TBL1XR1: variants seen among roughly 807,000 people sequenced by gnomAD.
The protein encoded by TBL1XR1 is TBL1X/Y related 1, also known as F-box-like/WD repeat-containing protein TBL1XR1.
In TBL1XR1, 5 loss-of-function variants were observed where a neutral mutation model predicts 66.9. The observed-to-expected ratio is 0.07, with a 90% CI of 0.04 to 0.16. The LOEUF (loss-of-function observed/expected upper bound fraction) is 0.16. TBL1XR1 is among the 10% of genes least tolerant of loss of function. TBL1XR1 has a pLI of 1.00. For synonymous variants in TBL1XR1, 210 were observed against 206.0 expected, an observed-to-expected ratio of 1.02 and a Z score of -0.17; for missense variants, 238 against 623.2, an observed-to-expected ratio of 0.38 and a Z score of 6.58.
At position 177,059,576 on chromosome 3, in the gene TBL1XR1, G is replaced by A. The variant is rs139308093; in HGVS notation, c.58+5344C>T. Among the ~76,000 whole-genome samples the A allele has an allele frequency of 5.7e-4, 86 of 152,178 alleles. 1 individual carries two copies. Among genetic ancestry groups the A allele is most frequent in the African/African-American group, 1.9e-3 (80 of 41,518 alleles). On this transcript the variant is annotated intron_variant, in intron 3 of 15. Coordinates refer to ENST00000457928, the MANE Select transcript of TBL1XR1 (RefSeq NM_024665.7). ...ACAAGGCCTGTATTTCTAAGGAGAT[G>A]GAAAATCCCATTGAAAAAGTTAGGG...
intron 1 of TBL1XR1, among the ~76,000 whole-genome samples, chr3:177,141,862 A>T (rs761897724): frequency 6.6e-6 from 1 of 152,226 alleles, no homozygotes; most frequent in Non-Finnish European, 1.5e-5. Flanking sequence ...GTGAAACATT[A>T]ACCTTAAAAA....
At chr3:177,107,841 C>T (rs1002232363) in intron 1 of TBL1XR1, among the ~76,000 whole-genome samples, 22 of 152,186 alleles carry the variant, frequency 1.4e-4, no homozygotes, top group Admixed American at 3.9e-4. Context: ...CTCCATCTTA[C>T]TTCTCAGTCA....
rs559652417 is a variant in TBL1XR1 at position 177,042,913 on chromosome 3, T to TA, written c.925+3215dup. 3.8e-3 allele frequency among the ~76,000 whole-genome samples: 567 copies of TA among 150,202 alleles called. 2 individuals carry two copies. The highest frequency in any genetic ancestry group is 0.011 in the African/African-American group (465 of 41,034). ...ATGCATTTATTACTGACTTTATTTT[T>TA]AAAAAAAAAAGCCTTTATTGACATA... On this transcript the variant is annotated intron_variant, in intron 10 of 15. Coordinates refer to ENST00000457928, the MANE Select transcript of TBL1XR1 (RefSeq NM_024665.7).
At chr3:177,031,458 C>T (rs1009228701) in intron 14 of TBL1XR1, among the ~76,000 whole-genome samples, 2 of 151,158 alleles carry the variant, frequency 1.3e-5, no homozygotes, top group African/African-American at 2.4e-5. Context: ...CTCAGCCTCC[C>T]GAGTAGCTGA....
At chr3:177,151,902 T>C (rs1730935479) in intron 1 of TBL1XR1, among the ~76,000 whole-genome samples, 1 of 152,098 alleles carries the variant, frequency 6.6e-6, no homozygotes. Context: ...CAGGCACCCG[T>C]AATCCCAGCT....
intron 10 of TBL1XR1, among the ~76,000 whole-genome samples, chr3:177,043,396 G>A (rs1186725829): frequency 2.0e-5 from 3 of 151,968 alleles, no homozygotes; most frequent in Non-Finnish European, 2.9e-5. Context: ...TGTTTATCTT[G>A]TATTAATAAC....
At chr3:177,041,749 T>C (rs1715618744) in intron 10 of TBL1XR1, among the ~76,000 whole-genome samples, 3 of 152,320 alleles carry the variant, frequency 2.0e-5, no homozygotes, top group South Asian at 4.1e-4. Flanking sequence ...TTGTAAGTTA[T>C]GTCCCGGGTT....
intron 1 of TBL1XR1, among the ~76,000 whole-genome samples, chr3:177,106,374 T>G (rs924604899): frequency 1.3e-5 from 2 of 152,248 alleles, no homozygotes; most frequent in African/African-American, 4.8e-5. Flanking sequence ...AGCTGAAGTT[T>G]GTTCTACGTG....
chr3:177,026,022 C>G (rs1312915182), intron 15 of TBL1XR1: 4 of 295,370 alleles, frequency 1.4e-5, no homozygotes, highest in Non-Finnish European at 1.9e-5. Context: ...TTCTGCCTTC[C>G]CTGGGCCAAA....
At chr3:177,028,622 A>G (rs1029399348) in intron 14 of TBL1XR1, among the ~76,000 whole-genome samples, 2 of 152,220 alleles carry the variant, frequency 1.3e-5, no homozygotes, top group Non-Finnish European at 2.9e-5. Flanking sequence ...AAAGACAAAT[A>G]AATGGAGGTA....
intron 1 of TBL1XR1, among the ~76,000 whole-genome samples, chr3:177,146,379 C>T (rs926045867): frequency 6.6e-6 from 1 of 151,504 alleles, no homozygotes; most frequent in East Asian, 2.0e-4. Flanking sequence ...CTTTGCCTCC[C>T]GGGTTCAAGT....
At chr3:177,102,097 C>T (rs1724299058) in intron 1 of TBL1XR1, among the ~76,000 whole-genome samples, 1 of 152,132 alleles carries the variant, frequency 6.6e-6, no homozygotes, top group African/African-American at 2.4e-5. Context: ...GTTTCTTTTT[C>T]TAACTTTTCG....
chr3:177,187,297 GGCAGGGAGAATC>G (rs1036527977), intron 1 of TBL1XR1, among the ~76,000 whole-genome samples: 1 of 151,376 alleles, frequency 6.6e-6, no homozygotes, highest in Admixed American at 6.6e-5. Flanking sequence ...GGGAGACTGA[GGCAGGGAGAATC>G]GCTTGAACCC....
chr3:177,111,874 A>C (rs1725608650), intron 1 of TBL1XR1, among the ~76,000 whole-genome samples: 1 of 150,556 alleles, frequency 6.6e-6, no homozygotes, highest in South Asian at 2.1e-4. Flanking sequence ...CCTCATCCCA[A>C]CTCTGCCTGT....
At chr3:177,194,921 T>G (rs1303872152) in intron 1 of TBL1XR1, among the ~76,000 whole-genome samples, 1 of 151,902 alleles carries the variant, frequency 6.6e-6, no homozygotes, top group African/African-American at 2.4e-5. Flanking sequence ...CACCAGTGTC[T>G]CCCACATTAA....
At position 177,188,613 on chromosome 3, in the gene TBL1XR1, G is replaced by GT. The variant is rs771799750; in HGVS notation, c.-122+8507dup. ...TCTGACCCTTGCAGCCCAGAGTTTT[G>GT]TTTTTTTAAATTCTACCTCCTGAAA... is the stretch of plus-strand genomic sequence containing the variant. On this transcript the variant is annotated intron_variant, in intron 1 of 15. Transcript: ENST00000457928. Among the ~76,000 whole-genome samples the GT allele has an allele frequency of 3.9e-5, 6 of 152,046 alleles. No individual in the cohort carries two copies. The East Asian group carries it at 9.7e-4, about 25-fold the overall frequency.
chr3:177,037,412 C>T (rs1714950212), intron 12 of TBL1XR1: 1 of 152,146 alleles, frequency 6.6e-6, no homozygotes, highest in African/African-American at 2.4e-5. Flanking sequence ...TTTGGTGAGA[C>T]ATTATTTCCG....
At chr3:177,075,292 T>C (rs1720562845) in intron 2 of TBL1XR1, among the ~76,000 whole-genome samples, 1 of 152,232 alleles carries the variant, frequency 6.6e-6, no homozygotes, top group South Asian at 2.1e-4. Flanking sequence ...TACGTGGCAT[T>C]CTCCTCTTTG....
chr3:177,054,086 G>GTGTGCA (rs998658595), intron 3 of TBL1XR1, among the ~76,000 whole-genome samples, 168 bp from the exon 4 acceptor site: 8 of 150,822 alleles, frequency 5.3e-5, no homozygotes, highest in African/African-American at 1.7e-4. Flanking sequence ...GCGCGCGTGT[G>GTGTGCA]TGTGCATGTA....
Sources: allele counts gnomAD v4.1 joint callset (sites outside exome capture counted in the v4.1 genomes callset), GRCh38; gene constraint gnomAD v4.1.1; transcripts MANE v1.5; gene names NCBI Gene and HGNC (gene_info 2026-07-23, HGNC 2026-07-21).